TJP1: variants seen among roughly 807,000 people sequenced by gnomAD.
The protein encoded by TJP1 is tight junction protein 1, also known as tight junction protein ZO-1.
TJP1 carries 43 observed loss-of-function variants against 194.2 expected under a neutral mutation model. That is an observed-to-expected ratio of 0.22 (90% CI 0.17 to 0.29). The LOEUF is 0.29. Among genes scored for constraint, TJP1 ranks in the 10% least tolerant of loss-of-function variants. The pLI is 1.00. For synonymous variants in TJP1, 801 were observed against 779.0 expected, an observed-to-expected ratio of 1.03 and a Z score of -0.47; for missense variants, 1,971 against 2,185.7, an observed-to-expected ratio of 0.90 and a Z score of 1.96.
intron 5 of TJP1, among the ~76,000 whole-genome samples, chr15:29,765,426 A>G (rs949436767): frequency 6.6e-6 from 1 of 152,188 alleles, no homozygotes; most frequent in Non-Finnish European, 1.5e-5. Context: ...CCACAGAAGG[A>G]GCAAGCCACA....
intron 2 of TJP1, among the ~76,000 whole-genome samples, chr15:29,782,751 A>C (rs1476567108): frequency 6.6e-6 from 1 of 152,148 alleles, no homozygotes; most frequent in African/African-American, 2.4e-5. Context: ...CAAAAGAGTA[A>C]ACAGACAACC....
intron 2 of TJP1, among the ~76,000 whole-genome samples, chr15:29,781,310 C>T (rs1433755503): frequency 3.3e-5 from 5 of 152,030 alleles, no homozygotes; most frequent in East Asian, 1.9e-4. Context: ...TAACAAACGC[C>T]GAAAGTGAAT....
At chr15:29,910,870 T>C (rs1168300109) in intron 2 of TJP1, among the ~76,000 whole-genome samples, 1 of 152,174 alleles carries the variant, frequency 6.6e-6, no homozygotes, top group Non-Finnish European at 1.5e-5. Flanking sequence ...ACAGATTATC[T>C]GAGGTGGAAT....
chr15:29,805,129 C>T (rs915574088), intron 1 of TJP1, among the ~76,000 whole-genome samples: 3 of 152,312 alleles, frequency 2.0e-5, no homozygotes, highest in East Asian at 1.9e-4. Context: ...CTGAGTTCTG[C>T]GCACATTTCT....
At chr15:29,703,939 G>A (rs1315663208) in intron 27 of TJP1, among the ~76,000 whole-genome samples, 4 of 152,072 alleles carry the variant, frequency 2.6e-5, no homozygotes, top group Admixed American at 2.0e-4. Context: ...CACGGCGCCC[G>A]GCCCAAATTA....
chr15:29,818,271 C>T (rs979001289), intron 1 of TJP1, among the ~76,000 whole-genome samples: 1 of 152,164 alleles, frequency 6.6e-6, no homozygotes, highest in African/African-American at 2.4e-5. Flanking sequence ...AGCTTGAAAA[C>T]ACAGAAGCCA....
intron 1 of TJP1, among the ~76,000 whole-genome samples, chr15:29,820,058 C>A (rs893094537): frequency 2.6e-5 from 4 of 151,940 alleles, no homozygotes; most frequent in Non-Finnish European, 5.9e-5. Flanking sequence ...ACTATTCAAC[C>A]ATTATAAAGA....
intron 2 of TJP1, among the ~76,000 whole-genome samples, chr15:29,831,612 G>C (rs990761757): frequency 6.6e-6 from 1 of 152,200 alleles, no homozygotes; most frequent in African/African-American, 2.4e-5. Context: ...TGGGACTGCT[G>C]TGGATTTTAT....
chr15:29,776,086 A>G (rs2046998565), intron 2 of TJP1, among the ~76,000 whole-genome samples: 1 of 152,202 alleles, frequency 6.6e-6, no homozygotes. Context: ...GTCCATGATA[A>G]TGACTAACCC....
chr15:29,704,919 C>T (rs2041797131), intron 26 of TJP1, among the ~76,000 whole-genome samples: 1 of 152,140 alleles, frequency 6.6e-6, no homozygotes, highest in Non-Finnish European at 1.5e-5. Context: ...AAAAAGCGAA[C>T]TAAATTTGTT....
chr15:29,716,795 T>C lies in TJP1; in HGVS notation c.4018A>G (p.Ile1340Val), dbSNP rs768522533. Residue 1340 changes from isoleucine (I) to valine (V), a missense_variant, in exon 23 of 28, where the codon ATT becomes GTT. Ile to Val is a conservative substitution (Grantham distance 29). Transcript: ENST00000614355. ...QKPQLKPPED[I>V]VRSNHYDPEE... ...GGGTCATAATGATTGGACCGAACAA[T>C]ATCTTCAGGTGGCTTCAGTTGAGGT... 4 of 1,610,924 alleles carry C rather than the reference T, an allele frequency of 2.5e-6. No individual in the cohort carries two copies. The highest frequency in any genetic ancestry group is 1.3e-5 in the African/African-American group (1 of 74,886).
At chr15:29,815,000 C>G (rs1374255467) in intron 1 of TJP1, among the ~76,000 whole-genome samples, 1 of 152,142 alleles carries the variant, frequency 6.6e-6, no homozygotes, top group Non-Finnish European at 1.5e-5. Flanking sequence ...TGATCTAAAG[C>G]TGTGTTCTTG....
chr15:29,775,322 T>C (rs992089753), intron 2 of TJP1, among the ~76,000 whole-genome samples: 1 of 35,658 alleles, frequency 2.8e-5, no homozygotes, highest in African/African-American at 7.7e-5. Flanking sequence ...CTCCATTTAA[T>C]ACAGAAAAAA....
At chr15:29,720,747 A>G in intron 18 of TJP1, 39 bp from the exon 19 acceptor site, 1 of 1,485,832 alleles carries the variant, frequency 6.7e-7, no homozygotes, top group Non-Finnish European at 9.1e-7. Context: ...TTTATTCAGT[A>G]GTTCTTTAAG....
intron 2 of TJP1, among the ~76,000 whole-genome samples, chr15:29,884,887 AG>A (rs2053063536): frequency 6.6e-6 from 1 of 152,128 alleles, no homozygotes; most frequent in African/African-American, 2.4e-5. Context: ...TTCACAGAGG[AG>A]GGGCTGTTCT....
intron 1 of TJP1, among the ~76,000 whole-genome samples, chr15:29,810,267 CT>C (rs2049399845): frequency 6.6e-6 from 1 of 152,298 alleles, no homozygotes; most frequent in Non-Finnish European, 1.5e-5. Flanking sequence ...GTTAACCATA[CT>C]GGGTGACAGT....
intron 2 of TJP1, among the ~76,000 whole-genome samples, chr15:29,850,351 T>C (rs553874495): frequency 6.6e-6 from 1 of 152,216 alleles, no homozygotes; most frequent in East Asian, 1.9e-4. Flanking sequence ...TTTTGTTTGA[T>C]ACGGAGTCTC....
intron 1 of TJP1, among the ~76,000 whole-genome samples, chr15:29,806,597 T>C (rs1353177818): frequency 6.6e-6 from 1 of 152,196 alleles, no homozygotes; most frequent in African/African-American, 2.4e-5. Context: ...AAAGTGTTTC[T>C]GTTTTGGTCT....
intron 25 of TJP1, 76 bp from the exon 26 acceptor site, chr15:29,705,821 C>A: frequency 1.6e-6 from 2 of 1,259,514 alleles, no homozygotes; most frequent in Non-Finnish European, 2.3e-6. Context: ...TACTGTATTA[C>A]GTGCTTTCAC....
Sources: allele counts gnomAD v4.1 joint callset (sites outside exome capture counted in the v4.1 genomes callset), GRCh38; gene constraint gnomAD v4.1.1; transcripts MANE v1.5; gene names NCBI Gene and HGNC (gene_info 2026-07-23, HGNC 2026-07-21).